SNX19: variants seen among roughly 807,000 people sequenced by gnomAD.
SNX19 encodes sorting nexin-19.
SNX19 carries 60 observed loss-of-function variants against 85.2 expected under a neutral mutation model. The ratio of observed to expected loss-of-function variants is 0.70; its 90% CI spans 0.57 to 0.87. The LOEUF is 0.87. Among genes scored for constraint, SNX19 ranks in the 40% least tolerant of loss-of-function variants. The probability of loss-of-function intolerance (pLI) is 0.00; values close to 1 mark genes in which losing one functional copy is unlikely to be tolerated. For synonymous variants in SNX19, 520 were observed against 470.0 expected, an observed-to-expected ratio of 1.11 and a Z score of -1.38; for missense variants, 1,201 against 1,217.8, an observed-to-expected ratio of 0.99 and a Z score of 0.21.
At chr11:130,895,244 TC>T in intron 8 of SNX19, 2 of 985,350 alleles carry the variant, frequency 2.0e-6, no homozygotes, top group Non-Finnish European at 2.4e-6. Context: ...GCTCTGGGAA[TC>T]AGAATTCCCC....
rs976039245 is a variant in SNX19, at chr11:130,876,168, C to T, written c.*2254G>A. On this transcript the variant is annotated 3_prime_UTR_variant, in exon 11 of 11. Transcript: ENST00000265909. ...ACAAAAAACAAGCAAACAATAAAAC[C>T]TTCCTGGATCAGCACAGGCCCAATT... 15 of 152,120 alleles carry T rather than the reference C, an allele frequency of 9.9e-5. No homozygotes were observed. Among genetic ancestry groups the T allele is most frequent in the African/African-American group, 3.6e-4 (15 of 41,420 alleles). The allele number at this position is 152,120 out of a possible 1,614,324, so 9.4% of individuals were successfully genotyped here. A position where few individuals can be genotyped will look rare whatever the true frequency, so the allele number is the denominator to read the frequency against.
At chr11:130,880,091 C>T (rs1943549285) in intron 9 of SNX19, among the ~76,000 whole-genome samples, 1 of 152,216 alleles carries the variant, frequency 6.6e-6, no homozygotes, top group African/African-American at 2.4e-5. Flanking sequence ...AACTGCCTTC[C>T]TGGCCCTCTA....
At position 130,874,677 on chromosome 11, in the gene SNX19, T is replaced by A. The variant is rs984649404; in HGVS notation, c.*3745A>T. On this transcript the variant is annotated 3_prime_UTR_variant, in exon 11 of 11. Coordinates refer to ENST00000265909, the MANE Select transcript of SNX19 (RefSeq NM_014758.3). ...CAGGGACCATAGTTACACATATTTTTACTTCCTCCAGGACCTAACAACTGG... is the reference window on the plus strand; with the variant it reads ...CAGGGACCATAGTTACACATATTTTAACTTCCTCCAGGACCTAACAACTGG... Among the ~76,000 whole-genome samples, 1 of 152,208 alleles carries A rather than the reference T, an allele frequency of 6.6e-6. No homozygotes were observed. Among genetic ancestry groups the A allele is most frequent in the Non-Finnish European group, 1.5e-5 (1 of 68,030 alleles).
chr11:130,910,124 A>G lies in SNX19; in HGVS notation c.1928T>C (p.Ile643Thr), dbSNP rs1471646913. The G allele has an allele frequency of 1.9e-6, 3 of 1,614,080 alleles. No homozygotes were observed. In the East Asian group the frequency reaches 6.7e-5, roughly 36 times the overall value. The change falls in exon 4 of 11, where the codon ATT (isoleucine) becomes ACT (threonine). Residue 643 changes from isoleucine to threonine, a missense_variant. This residue lies in a region of SNX19 where 125 missense variants were observed against 171.6 expected (regional missense o/e 0.73). Transcript: ENST00000265909. ...CTCCTCACTGTTAGCGATCTCCGGA[A>G]TGGCACAGAGTTGCTGCAAAAGTAA... ...LESFLKQLCAIPEIANSEEVQ... is the reference protein window; with the variant it reads ...LESFLKQLCATPEIANSEEVQ...
At position 130,874,596 on chromosome 11, in the gene SNX19, A is replaced by G. The variant is rs1943149817; in HGVS notation, c.*3826T>C. Among the ~76,000 whole-genome samples, 1 of 152,220 alleles carries G rather than the reference A, an allele frequency of 6.6e-6. No homozygotes were observed. Among genetic ancestry groups the G allele is most frequent in the African/African-American group, 2.4e-5 (1 of 41,458 alleles). The stretch of plus-strand genomic sequence containing the variant: ...TACTCACGTACTAATGTTATGAAAT[A>G]AAATAAATTTTCCTCATAATTTAAT... On this transcript the variant is annotated 3_prime_UTR_variant, in exon 11 of 11. Transcript: ENST00000265909.
chr11:130,884,121 C>T (rs1014739289), intron 8 of SNX19, among the ~76,000 whole-genome samples: 7 of 152,168 alleles, frequency 4.6e-5, no homozygotes, highest in Admixed American at 1.3e-4. Flanking sequence ...CCTTTCATCC[C>T]TACCTTCCCT....
In SNX19 at chr11:130,884,272, G is replaced by C. The variant is rs535389426; in HGVS notation, c.2574-3466C>G. On this transcript the variant is annotated intron_variant, in intron 8 of 10. Coordinates refer to ENST00000265909, the MANE Select transcript of SNX19 (RefSeq NM_014758.3). The stretch of plus-strand genomic sequence containing the variant: ...ACGGAAGACAAAGACATTAGGTGTA[G>C]GATTGTTAAAAGGGGCAGAAGTCTC... Among the ~76,000 whole-genome samples the C allele has an allele frequency of 9.2e-5, 14 of 152,268 alleles. No homozygotes were observed. In the South Asian group the frequency reaches 2.9e-3, roughly 32 times the overall value.
At chr11:130,909,058 C>G (rs1945886466) in intron 4 of SNX19, among the ~76,000 whole-genome samples, 1 of 152,182 alleles carries the variant, frequency 6.6e-6, no homozygotes, top group Non-Finnish European at 1.5e-5. Context: ...GATAATGCAG[C>G]TTAGAAAATA....
intron 10 of SNX19, among the ~76,000 whole-genome samples, chr11:130,878,771 C>G (rs191842782): frequency 6.6e-6 from 1 of 152,258 alleles, no homozygotes; most frequent in Admixed American, 6.5e-5. Flanking sequence ...TTATATAAGA[C>G]TAAGTTTTAT....
intron 8 of SNX19, among the ~76,000 whole-genome samples, chr11:130,899,383 A>G (rs1318631133): frequency 6.6e-6 from 1 of 152,210 alleles, no homozygotes; most frequent in African/African-American, 2.4e-5. Context: ...TTCTTTAGAT[A>G]TCATGACTTC....
intron 8 of SNX19, chr11:130,893,849 A>C (rs1944676820): frequency 2.8e-6 from 2 of 701,802 alleles, no homozygotes; most frequent in Non-Finnish European, 5.2e-6. Context: ...ATTATATTAG[A>C]GCTAAAGTAT....
At chr11:130,909,124 T>C (rs1430359200) in intron 4 of SNX19, among the ~76,000 whole-genome samples, 2 of 152,196 alleles carry the variant, frequency 1.3e-5, no homozygotes, top group Non-Finnish European at 1.5e-5. Context: ...GAGGTCCTCA[T>C]CTGTCTCATT....
chr11:130,911,459 G>T (rs1320122834), intron 2 of SNX19, 174 bp downstream of exon 2: 2 of 1,432,546 alleles, frequency 1.4e-6, no homozygotes, highest in South Asian at 3.0e-5. Context: ...ACCTCTGAAA[G>T]AATGTGATTG....
At chr11:130,891,442 G>GGCTCT (rs1944487651) in intron 8 of SNX19, among the ~76,000 whole-genome samples, 1 of 152,202 alleles carries the variant, frequency 6.6e-6, no homozygotes, top group Non-Finnish European at 1.5e-5. Flanking sequence ...TCCTGGAGGA[G>GGCTCT]AGAGACAGCT....
At chr11:130,901,506 T>C (rs1479565950) in intron 8 of SNX19, among the ~76,000 whole-genome samples, 1 of 151,696 alleles carries the variant, frequency 6.6e-6, no homozygotes, top group African/African-American at 2.4e-5. Context: ...AAATAACAGG[T>C]AGAGAAAGAC....
At chr11:130,891,846 CT>C (rs10649582) in intron 8 of SNX19, among the ~76,000 whole-genome samples, 49 of 140,386 alleles carry the variant, frequency 3.5e-4, no homozygotes, top group Non-Finnish European at 3.5e-4. Context: ...AAAGTTTTTT[CT>C]TTTTTTTTTT....
At chr11:130,886,166 T>C (rs992535744) in intron 8 of SNX19, among the ~76,000 whole-genome samples, 3 of 152,212 alleles carry the variant, frequency 2.0e-5, no homozygotes, top group Non-Finnish European at 4.4e-5. Flanking sequence ...CTCATGGTTG[T>C]AGCGCAATGT....
At chr11:130,907,847 C>A (rs1396817720) in intron 5 of SNX19, 106 bp downstream of exon 5, 5 of 1,522,562 alleles carry the variant, frequency 3.3e-6, no homozygotes, top group Non-Finnish European at 4.4e-6. Flanking sequence ...TATGTCTGAC[C>A]CACCTCCTTT....
In SNX19 at chr11:130,877,914, C is replaced by T. The variant is rs1457487840; in HGVS notation, c.*508G>A. 2 of 152,202 alleles carry T rather than the reference C, an allele frequency of 1.3e-5. No homozygotes were observed. The highest frequency in any genetic ancestry group is 4.8e-5 in the African/African-American group (2 of 41,408). The allele number at this position is 152,202 out of a possible 1,614,324, so 9.4% of individuals were successfully genotyped here. On this transcript the variant is annotated 3_prime_UTR_variant, in exon 11 of 11. Transcript: ENST00000265909. ...GAACTGTTGGGAAACTAGATTAGAC[C>T]CAGGAGTCTGGTTTTTGAGAATGGC...
Sources: gnomAD v4.1 joint callset for allele counts (sites outside exome capture counted in the v4.1 genomes callset) on GRCh38, gnomAD v4.1.1 for gene constraint, gnomAD v4.1.1 regional missense constraint, MANE v1.5 for transcripts, NCBI Gene and HGNC (gene_info 2026-07-23, HGNC 2026-07-21) for gene names.